INTS9: variants seen among roughly 807,000 people sequenced by gnomAD.
The protein encoded by INTS9 is protein related to CPSF subunits of 74 kDa.
INTS9 carries 55 observed loss-of-function variants against 79.7 expected under a neutral mutation model. The ratio of observed to expected loss-of-function variants is 0.69; its 90% CI spans 0.56 to 0.86. INTS9 has a LOEUF of 0.86. INTS9 is among the 40% of genes least tolerant of loss of function. The pLI is 0.00. For missense variants in INTS9, 721 were observed against 831.5 expected (o/e 0.87, Z 1.64); for synonymous variants, 319 against 325.2 (o/e 0.98, Z 0.20).
At chr8:28,880,940 G>C (rs996222574) in intron 1 of INTS9, among the ~76,000 whole-genome samples, 1 of 147,018 alleles carries the variant, frequency 6.8e-6, no homozygotes, top group Non-Finnish European at 1.5e-5. Flanking sequence ...CGCCTCTGCT[G>C]GGCCGCAACC....
At chr8:28,885,943 A>G (rs577175193) in intron 1 of INTS9, among the ~76,000 whole-genome samples, 1 of 152,350 alleles carries the variant, frequency 6.6e-6, no homozygotes, top group African/African-American at 2.4e-5. Context: ...AAGCTGCCTG[A>G]ATATTGCATA....
At chr8:28,824,301 C>G (rs903075362) in intron 6 of INTS9, among the ~76,000 whole-genome samples, 1 of 152,204 alleles carries the variant, frequency 6.6e-6, no homozygotes, top group Non-Finnish European at 1.5e-5. Context: ...CTCCTTCCCC[C>G]AACTTTAATG....
At chr8:28,871,286 A>G (rs1224653097) in intron 1 of INTS9, among the ~76,000 whole-genome samples, 1 of 152,202 alleles carries the variant, frequency 6.6e-6, no homozygotes, top group African/African-American at 2.4e-5. Context: ...AACTAGTTAA[A>G]TTTTGATTTT....
chr8:28,827,519 A>G (rs1297721048), intron 6 of INTS9, among the ~76,000 whole-genome samples: 2 of 152,218 alleles, frequency 1.3e-5, no homozygotes, highest in Non-Finnish European at 2.9e-5. Flanking sequence ...AGGAATCAGG[A>G]AAGTTCCCTG....
At chr8:28,831,736 TCCCC>T (rs1806499509) in intron 6 of INTS9, among the ~76,000 whole-genome samples, 1 of 152,008 alleles carries the variant, frequency 6.6e-6, no homozygotes, top group South Asian at 2.1e-4. Flanking sequence ...TCTCGCTCTG[TCCCC>T]CAGGCTGGAG....
Position 28,768,211 on chromosome 8 carries a change from C to T in INTS9, c.1912G>A (p.Asp638Asn), listed in dbSNP as rs1376897816. The T allele has an allele frequency of 4.3e-6, 7 of 1,614,170 alleles. No homozygotes were observed. The highest frequency in any genetic ancestry group is 2.7e-5 in the African/African-American group (2 of 75,028). Residue 638 changes from aspartate (D) to asparagine (N), a missense_variant, in exon 17 of 17, where the codon GAC becomes AAC. By Grantham distance (23) the Asp-to-Asn change is conservative (BLOSUM62 1). This residue lies in a region of INTS9 where 281 missense variants were observed against 300.8 expected (regional missense o/e 0.93). Transcript: ENST00000521022. ...IEEDSTHIIC[D>N]NDEMLRVRLR... ...CGCACTCTGAGCATCTCGTCATTGT[C>T]GCAGATGATATGGGTCGAGTCTTCT...
At chr8:28,771,487 G>C (rs991292808) in intron 14 of INTS9, among the ~76,000 whole-genome samples, 2 of 152,162 alleles carry the variant, frequency 1.3e-5, no homozygotes, top group Non-Finnish European at 2.9e-5. Flanking sequence ...CTCTGTTGCT[G>C]GGTTTAGCTG....
intron 4 of INTS9, among the ~76,000 whole-genome samples, chr8:28,845,274 C>T (rs1258957330): frequency 6.6e-6 from 1 of 152,134 alleles, no homozygotes; most frequent in Admixed American, 6.5e-5. Context: ...GGCTGCATGG[C>T]TCACCCACAA....
chr8:28,839,631 A>G (rs1807039029), intron 4 of INTS9, among the ~76,000 whole-genome samples: 1 of 152,142 alleles, frequency 6.6e-6, no homozygotes. Context: ...CTCAGAAATA[A>G]CGCCGCATAT....
At position 28,837,692 on chromosome 8, in the gene INTS9, G is replaced by T; in HGVS notation, c.346C>A (p.His116Asn). The change falls in exon 5 of 17, where the codon CAC becomes AAC. Residue 116 changes from histidine to asparagine, a missense_variant. Transcript: ENST00000521022. The stretch of plus-strand genomic sequence containing the variant: ...TACACTGTGCCTGTGAAGCCGGTGT[G>T]CTCGGTGATGTATGGCAGCGCCATC... ...CMMALPYITE[H>N]TGFTGTVYAT... 1 of 1,613,950 alleles carries T rather than the reference G, an allele frequency of 6.2e-7. No homozygotes were observed. The highest frequency in any genetic ancestry group is 8.5e-7 in the Non-Finnish European group (1 of 1,179,996).
chr8:28,821,356 C>A (rs1474057038), intron 6 of INTS9, among the ~76,000 whole-genome samples: 1 of 152,126 alleles, frequency 6.6e-6, no homozygotes. Flanking sequence ...GCGGAAGCCC[C>A]GATAAACCCA....
At chr8:28,809,686 G>A (rs1214570032) in intron 8 of INTS9, among the ~76,000 whole-genome samples, 3 of 152,098 alleles carry the variant, frequency 2.0e-5, no homozygotes, top group African/African-American at 4.8e-5. Context: ...TCATCTTTCT[G>A]TCTTTTATGG....
chr8:28,812,390 G>C lies in INTS9; in HGVS notation c.681C>G (p.Ile227Met), dbSNP rs183128143. The change falls in exon 8 of 17, where the codon ATC becomes ATG. Residue 227 changes from isoleucine to methionine, a missense_variant. By Grantham distance (10) the Ile-to-Met change is conservative. Around this residue, in one of 3 missense-constraint regions of INTS9, gnomAD observed 291 missense variants for 307.0 expected, o/e 0.95. Coordinates refer to ENST00000521022, the MANE Select transcript of INTS9 (RefSeq NM_018250.4). ...AAGACACTTTCTCGTAATGAGACTG[G>C]ATGATCCAGTTGGAGCTCCCAAGGG... is the stretch of plus-strand genomic sequence containing the variant. ...GYALGSSNWIIQSHYEKVSYV... is the reference protein window; with the variant it reads ...GYALGSSNWIMQSHYEKVSYV... 1.9e-4 allele frequency: 301 copies of C among 1,614,022 alleles called. 2 individuals are homozygous for C. The East Asian group carries it at 6.2e-3, about 33-fold the overall frequency.
At chr8:28,874,082 C>G (rs1809239182) in intron 1 of INTS9, among the ~76,000 whole-genome samples, 1 of 152,128 alleles carries the variant, frequency 6.6e-6, no homozygotes, top group Non-Finnish European at 1.5e-5. Context: ...TGCTTTGATG[C>G]ATTTGCTAAG....
chr8:28,772,253 G>C (rs117658811), intron 14 of INTS9, among the ~76,000 whole-genome samples: 1 of 152,174 alleles, frequency 6.6e-6, no homozygotes, highest in Admixed American at 6.5e-5. Flanking sequence ...GGCTGGGTGC[G>C]GTGGCTCACG....
intron 8 of INTS9, among the ~76,000 whole-genome samples, chr8:28,811,129 T>TC (rs1491096949): frequency 1.1e-4 from 8 of 75,226 alleles, no homozygotes; most frequent in Admixed American, 5.1e-4. Context: ...TTTCTCTCTC[T>TC]TTTTTTTTTT....
At chr8:28,801,316 C>G (rs1396746450) in intron 8 of INTS9, among the ~76,000 whole-genome samples, 1 of 151,990 alleles carries the variant, frequency 6.6e-6, no homozygotes, top group African/African-American at 2.4e-5. Context: ...GGCAAAACCC[C>G]ATCTCTACAA....
At chr8:28,860,441 A>C (rs779473006) in intron 1 of INTS9, among the ~76,000 whole-genome samples, 1 of 151,848 alleles carries the variant, frequency 6.6e-6, no homozygotes, top group Non-Finnish European at 1.5e-5. Flanking sequence ...CAAAGGGAAC[A>C]GTGTGCTGAA....
At chr8:28,838,601 T>C (rs1486521310) in intron 4 of INTS9, among the ~76,000 whole-genome samples, 1 of 152,174 alleles carries the variant, frequency 6.6e-6, no homozygotes, top group African/African-American at 2.4e-5. Context: ...CCCAAAGTAT[T>C]GCATGTGTAA....
Sources: gnomAD v4.1 joint callset for allele counts (sites outside exome capture counted in the v4.1 genomes callset) on GRCh38, gnomAD v4.1.1 for gene constraint, gnomAD v4.1.1 regional missense constraint, MANE v1.5 for transcripts, NCBI Gene and HGNC (gene_info 2026-07-23, HGNC 2026-07-21) for gene names.